The following FASN variants were observed in gnomAD, a reference collection of about 807,000 sequenced individuals.
FASN encodes fatty acid synthase.
Under a neutral mutation model 250.0 loss-of-function variants are expected in FASN, and 50 were observed. The observed-to-expected ratio is 0.20, with a 90% CI of 0.16 to 0.25. The LOEUF is 0.25. Ranked by LOEUF, FASN falls within the 10% of genes least tolerant of loss-of-function variation. The pLI, the probability that FASN is intolerant of heterozygous loss-of-function variation, is 1.00. For synonymous variants in FASN, 1,909 were observed against 1,584.0 expected (o/e 1.21, Z -4.87); for missense variants, 3,031 against 3,498.5 (o/e 0.87, Z 3.37).
At chr17:82,082,884 G>A in intron 33 of FASN, 30 bp downstream of exon 33, 1 of 1,609,636 alleles carries the variant, frequency 6.2e-7, no homozygotes, top group South Asian at 1.1e-5. Context: ...CCTGGCCCAG[G>A]CTGGTCCACA....
At position 82,085,558 on chromosome 17, in the gene FASN, C is replaced by T. The variant is rs139276176; in HGVS notation, c.4046G>A (p.Arg1349Gln). The change falls in exon 23 of 43, where the codon CGG becomes CAG. Residue 1349 changes from arginine to glutamine, a missense_variant. Transcript: ENST00000306749. ...CACGATGTCCCCGAGGGGGTGCCCC[C>T]GGAGCAGTGTGTGCAGGAGCAGAAA... Reference protein sequence around the residue: ...GGFLLLHTLLRGHPLGDIVAF... With the variant: ...GGFLLLHTLLQGHPLGDIVAF... The T allele has an allele frequency of 1.8e-4, 287 of 1,595,104 alleles. No homozygotes were observed. Among genetic ancestry groups the T allele is most frequent in the Admixed American group, 2.3e-4 (13 of 57,570 alleles).
intron 12 of FASN, 38 bp from the exon 13 acceptor site, chr17:82,089,422 G>A (rs1568113620): frequency 6.2e-7 from 1 of 1,612,620 alleles, no homozygotes; most frequent in East Asian, 2.2e-5. Context: ...ATCCTGGCTG[G>A]GCACCCACCT....
rs200031447 is a variant in FASN, at chr17:82,085,370, C to G, written c.4155G>C (p.Ser1385=). 2.5e-6 allele frequency: 4 copies of G among 1,611,440 alleles called. No individual in the cohort carries two copies. Among genetic ancestry groups the G allele is most frequent in the Non-Finnish European group, 3.4e-6 (4 of 1,179,524 alleles). The change falls in exon 24 of 43, where the codon TCG becomes TCC. Residue 1385 remains serine, a synonymous_variant. Coordinates refer to ENST00000306749, the MANE Select transcript of FASN (RefSeq NM_004104.5). ...DAWESLFSRV[S]LRLVGLKKSF... ...ACTTCTTCAGGCCCACCAGGCGCAG[C>G]GACACCCTGGAGAAGAGGCTCTCCC...
intron 14 of FASN, 34 bp downstream of exon 14, chr17:82,088,935 C>A (rs2034153517): frequency 6.2e-7 from 1 of 1,607,794 alleles, no homozygotes; most frequent in African/African-American, 1.3e-5. Context: ...CCATCCCAGG[C>A]TCCCGGCGCC....
chr17:82,090,630 G>C, intron 10 of FASN, 66 bp from the exon 11 acceptor site: 1 of 1,415,290 alleles, frequency 7.1e-7, no homozygotes, highest in Non-Finnish European at 9.8e-7. Flanking sequence ...GGCGGCCCCC[G>C]GCCCCACTAG....
chr17:82,088,687 C>T (rs2144797445), intron 15 of FASN, 74 bp downstream of exon 15: 1 of 1,507,492 alleles, frequency 6.6e-7, no homozygotes, highest in South Asian at 1.1e-5. Context: ...CAGTGAGGGG[C>T]CCGCAGCCCC....
In FASN at chr17:82,091,477, C is replaced by CG; in HGVS notation, c.1236dup (p.Ala413ArgfsTer20). ...GGCAGGGTGGCATGTGGGGCGGGTG[C>CG]GGGGGGCGGCTGCGTGTTGGGCCTC... is the stretch of plus-strand genomic sequence containing the variant. On this transcript the variant is annotated frameshift_variant, in exon 9 of 43. Transcript: ENST00000306749. LOFTEE classifies it high-confidence loss of function. 2 of 1,571,778 alleles carry CG rather than the reference C, an allele frequency of 1.3e-6. No homozygotes were observed. Among genetic ancestry groups the CG allele is most frequent in the Non-Finnish European group, 8.7e-7 (1 of 1,149,664 alleles).
At chr17:82,088,642 G>A (rs547183494) in intron 15 of FASN, 80 bp from the exon 16 acceptor site, 1 of 1,535,788 alleles carries the variant, frequency 6.5e-7, no homozygotes, top group East Asian at 2.3e-5. Context: ...ACTGCCTGCG[G>A]TGGACCATCC....
chr17:82,091,112 C>G, intron 9 of FASN, 43 bp from the exon 10 acceptor site: 2 of 1,606,700 alleles, frequency 1.2e-6, no homozygotes, highest in Non-Finnish European at 8.5e-7. Flanking sequence ...CCATCCCGTG[C>G]CACTGTGTGC....
intron 2 of FASN, 43 bp downstream of exon 2, chr17:82,096,275 TG>T (rs1189227585): frequency 6.2e-7 from 1 of 1,607,916 alleles, no homozygotes; most frequent in African/African-American, 1.3e-5. Context: ...AAGGTGGAGA[TG>T]GAGCTTCACA....
rs199781332 is a variant in FASN, at chr17:82,096,402, T to C, written c.44A>G (p.Glu15Gly). The C allele has an allele frequency of 5.0e-6, 8 of 1,612,836 alleles. No homozygotes were observed. The highest frequency in any genetic ancestry group is 5.1e-6 in the Non-Finnish European group (6 of 1,179,994). The change falls in exon 2 of 43, where the codon GAG becomes GGG. Residue 15 changes from glutamate to glycine, a missense_variant. Coordinates refer to ENST00000306749, the MANE Select transcript of FASN (RefSeq NM_004104.5). ...VIAGMSGKLP[E>G]SENLQEFWDN... is the part of the protein sequence containing the mutation. ...CCAGAACTCCTGCAAGTTCTCCGAC[T>C]CTGGCAGCTTCCCGGACATGCCGGC...
intron 8 of FASN, 105 bp downstream of exon 8, chr17:82,092,350 C>A (rs1362433616): frequency 3.2e-6 from 4 of 1,254,018 alleles, no homozygotes; most frequent in Non-Finnish European, 4.5e-6. Flanking sequence ...GGTGGGGAAG[C>A]CCCCGCCTCC....
chr17:82,083,211 G>C lies in FASN; in HGVS notation c.5556C>G (p.Val1852=). 6.2e-7 allele frequency: 1 copy of C among 1,612,626 alleles called. No individual in the cohort carries two copies. The highest frequency in any genetic ancestry group is 1.3e-5 in the African/African-American group (1 of 75,054). The change falls in exon 32 of 43, where the codon GTC becomes GTG. Residue 1852 remains valine, a synonymous_variant. Coordinates refer to ENST00000306749, the MANE Select transcript of FASN (RefSeq NM_004104.5). ...GGACTCCTCCCCTCACCTGCACGAC[G>C]ACTTTGCCAATGTGCTTCCCTTGGG... ...YMAQGKHIGK[V]VVQVLAEEPE...
At chr17:82,092,399 C>T (rs2034227055) in intron 8 of FASN, 56 bp downstream of exon 8, 2 of 1,535,774 alleles carry the variant, frequency 1.3e-6, no homozygotes, top group African/African-American at 1.4e-5. Flanking sequence ...AGCCATGGCG[C>T]AACCCAGTCC....
In FASN at chr17:82,085,746, C is replaced by G; in HGVS notation, c.3858G>C (p.Glu1286Asp). Residue 1286 changes from glutamate to aspartate, a missense_variant, in exon 23 of 43, where the codon GAG becomes GAC. Transcript: ENST00000306749. The part of the protein sequence containing the change: ...HPQALEAAQA[E>D]LQQHDVAQGQ... ...CCTGGGCAACGTCGTGCTGCTGCAGCTCGGCCTGGGCAGCCTCCAGGGCCT... is the reference window on the plus strand; with the variant it reads ...CCTGGGCAACGTCGTGCTGCTGCAGGTCGGCCTGGGCAGCCTCCAGGGCCT... 1 of 1,564,796 alleles carries G rather than the reference C, an allele frequency of 6.4e-7. No homozygotes were observed. The highest frequency in any genetic ancestry group is 8.7e-7 in the Non-Finnish European group (1 of 1,155,394).
At position 82,085,479 on chromosome 17, in the gene FASN, C is replaced by T. The variant is rs779962900; in HGVS notation, c.4122+3G>A. 3 of 1,589,858 alleles carry T rather than the reference C, an allele frequency of 1.9e-6. No homozygotes were observed. The highest frequency in any genetic ancestry group is 4.6e-5 in the East Asian group (2 of 43,554). On this transcript the variant is annotated splice_donor_region_variant and intron_variant, in intron 23 of 42. Transcript: ENST00000306749. ...ACCCTGTCCCCCTGCCCGGCGGCCG[C>T]ACCTGGCTCAGGATGCCCTGGCCAT...
intron 29 of FASN, 33 bp downstream of exon 29, chr17:82,083,942 G>A (rs1431636576): frequency 1.3e-6 from 2 of 1,547,088 alleles, no homozygotes; most frequent in Admixed American, 2.0e-5. Flanking sequence ...GGGGCCAGGA[G>A]GGCAGCGGGA....
intron 4 of FASN, 56 bp from the exon 5 acceptor site, chr17:82,093,475 G>GCACA: frequency 6.3e-7 from 1 of 1,580,606 alleles, no homozygotes; most frequent in Non-Finnish European, 8.6e-7. Flanking sequence ...AGACCCCTGA[G>GCACA]CACACCTCCT....
Position 82,083,763 on chromosome 17 carries a change from G to A in FASN, c.5218+9C>T, listed in dbSNP as rs1754313398. Reference sequence around the variant, plus strand: ...CAGGAGGCAGGTGGGGGCTGTGGGGGCCACTCACCCTTCCCGCCCGTGTGC... The same window carrying A: ...CAGGAGGCAGGTGGGGGCTGTGGGGACCACTCACCCTTCCCGCCCGTGTGC... On this transcript the variant is annotated intron_variant, in intron 30 of 42. Coordinates refer to ENST00000306749, the MANE Select transcript of FASN (RefSeq NM_004104.5). 1.9e-6 allele frequency: 3 copies of A among 1,611,266 alleles called. No homozygotes were observed. Among genetic ancestry groups the A allele is most frequent in the Non-Finnish European group, 2.5e-6 (3 of 1,179,686 alleles).
Sources: allele counts gnomAD v4.1 joint callset, GRCh38; gene constraint gnomAD v4.1.1; transcripts MANE v1.5; gene names NCBI Gene and HGNC (gene_info 2026-07-23, HGNC 2026-07-21).